Variants in COL4A5 observed in about 807,000 individuals in gnomAD.
COL4A5 encodes the protein collagen alpha-5(IV) chain.
In COL4A5, 26 loss-of-function variants were observed where a neutral mutation model predicts 130.2. The ratio of observed to expected loss-of-function variants is 0.20; its 90% confidence interval spans 0.15 to 0.28. The LOEUF (loss-of-function observed/expected upper bound fraction) is 0.28. Among genes scored for constraint, COL4A5 ranks in the 10% least tolerant of loss-of-function variants. The pLI is 1.00. For synonymous variants in COL4A5, 496 were observed against 439.6 expected, an observed-to-expected ratio of 1.13 and a Z score of -1.60; for missense variants, 1,131 against 1,344.3, an observed-to-expected ratio of 0.84 and a Z score of 2.48.
intron 29 of COL4A5, among the ~76,000 whole-genome samples, chrX:108,610,565 A>G (rs1055154183): frequency 4.5e-5 from 5 of 112,207 alleles, no homozygotes; most frequent in African/African-American, 1.6e-4. Context: ...AGATAAAGAT[A>G]TTTGAAATAT....
chrX:108,552,786 C>T lies in COL4A5; in HGVS notation c.142-6278C>T, dbSNP rs755699737. 3.6e-5 allele frequency among the ~76,000 whole-genome samples: 4 copies of T among 111,862 alleles called. No individual in the cohort carries two copies. In the East Asian group the frequency reaches 8.4e-4, roughly 23 times the overall value. On this transcript the variant is annotated intron_variant, in intron 2 of 52. Transcript: ENST00000328300. Reference sequence around the variant, plus strand: ...TTTCTGGGGCTACAAATTTAACAAGCTGATCCTAAGAGTTAGATGGAAATA... The same window carrying T: ...TTTCTGGGGCTACAAATTTAACAAGTTGATCCTAAGAGTTAGATGGAAATA...
chrX:108,581,059 A>G, intron 16 of COL4A5, 32 bp downstream of exon 16: 4 of 1,159,151 alleles, frequency 3.5e-6, no homozygotes, highest in Non-Finnish European at 4.7e-6. Flanking sequence ...CCCCTGCAAA[A>G]CTGGAGACAT....
rs1018839215 is a variant in COL4A5 at position 108,648,752 on chromosome X, A to G, written c.3247-6579A>G. ...CAAGGGACATACCTCAATGTAATAAAAGCTATCTATGACAAACCCACAGCC... is the reference window on the plus strand; with the variant it reads ...CAAGGGACATACCTCAATGTAATAAGAGCTATCTATGACAAACCCACAGCC... On this transcript the variant is annotated intron_variant, in intron 36 of 52. Transcript: ENST00000328300. Among the ~76,000 whole-genome samples the G allele has an allele frequency of 2.7e-5, 3 of 111,715 alleles. No individual in the cohort carries two copies. In the South Asian group the frequency reaches 1.1e-3, roughly 42 times the overall value.
At chrX:108,662,002 C>A (rs2067967194) in intron 37 of COL4A5, among the ~76,000 whole-genome samples, 1 of 107,798 alleles carries the variant, frequency 9.3e-6, no homozygotes, top group Non-Finnish European at 1.9e-5. Context: ...ATACATGTGC[C>A]ATGTTGGTGT....
intron 1 of COL4A5, among the ~76,000 whole-genome samples, chrX:108,504,987 CCCATCAA>C (rs1214042642): frequency 9.0e-6 from 1 of 111,648 alleles, no homozygotes; most frequent in Non-Finnish European, 1.9e-5. Flanking sequence ...AACCTAAGTG[CCCATCAA>C]CCAAGGAGTA....
At chrX:108,455,059 A>C (rs781383701) in intron 1 of COL4A5, among the ~76,000 whole-genome samples, 1 of 112,344 alleles carries the variant, frequency 8.9e-6, no homozygotes, top group Admixed American at 9.4e-5. Context: ...AAATTGCTCC[A>C]AAAGATTTTT....
chrX:108,584,337 T>G (rs757844963), intron 17 of COL4A5, 147 bp from the exon 18 acceptor site: 39 of 512,319 alleles, frequency 7.6e-5, no homozygotes, highest in Middle Eastern at 5.5e-4. Context: ...TAGCTCAGAA[T>G]TGTTTCATTA....
intron 1 of COL4A5, among the ~76,000 whole-genome samples, chrX:108,521,582 A>G (rs1603263166): frequency 9.0e-6 from 1 of 111,397 alleles, no homozygotes; most frequent in East Asian, 2.8e-4. Context: ...TCTGCTTTAC[A>G]TCACCTTGTG....
intron 1 of COL4A5, among the ~76,000 whole-genome samples, chrX:108,498,763 C>T (rs903778679): frequency 9.0e-6 from 1 of 111,211 alleles, no homozygotes; most frequent in Non-Finnish European, 1.9e-5. Flanking sequence ...TAATTTATGA[C>T]TTTGGATGCC....
chrX:108,660,363 A>G (rs953321725), intron 37 of COL4A5, among the ~76,000 whole-genome samples: 3 of 111,452 alleles, frequency 2.7e-5, no homozygotes, highest in African/African-American at 9.7e-5. Context: ...GCAGACTTCT[A>G]GTTGGTATCA....
intron 40 of COL4A5, 28 bp from the exon 41 acceptor site, chrX:108,668,291 A>G (rs2068125415): frequency 1.7e-6 from 2 of 1,178,873 alleles, no homozygotes; most frequent in Non-Finnish European, 2.3e-6. Flanking sequence ...GGTATTATTT[A>G]TCTTCTAATT....
At chrX:108,482,048 A>G (rs1012304905) in intron 1 of COL4A5, among the ~76,000 whole-genome samples, 6 of 111,324 alleles carry the variant, frequency 5.4e-5, no homozygotes, top group African/African-American at 2.0e-4. Context: ...AACTGTTAGA[A>G]CCATTTTTAA....
chrX:108,484,517 A>T (rs2064925784), intron 1 of COL4A5, among the ~76,000 whole-genome samples: 1 of 112,617 alleles, frequency 8.9e-6, no homozygotes, highest in African/African-American at 3.2e-5. Flanking sequence ...ATTAGGGAAC[A>T]TCCCAAGCCC....
chrX:108,532,395 C>T (rs1200772309), intron 1 of COL4A5, among the ~76,000 whole-genome samples: 2 of 111,297 alleles, frequency 1.8e-5, no homozygotes, highest in African/African-American at 3.3e-5. Flanking sequence ...GTGATTGAAA[C>T]TCTCAACAAA....
At chrX:108,685,896 T>G in intron 47 of COL4A5, 135 bp from the exon 48 acceptor site, 2 of 515,936 alleles carry the variant, frequency 3.9e-6, no homozygotes, top group East Asian at 7.5e-5. Context: ...TGGACTTGAG[T>G]TATCTCTTCT....
At chrX:108,630,945 G>T (rs1242714720) in intron 36 of COL4A5, among the ~76,000 whole-genome samples, 1 of 111,889 alleles carries the variant, frequency 8.9e-6, no homozygotes, top group Non-Finnish European at 1.9e-5. Flanking sequence ...GGTCAGGTTT[G>T]TCAAAGATCA....
rs761139316 is a variant in COL4A5 at position 108,655,513 on chromosome X, G to T, written c.3373+56G>T. The T allele has an allele frequency of 2.8e-5, 32 of 1,158,318 alleles. No individual in the cohort carries two copies. The African/African-American group carries it at 5.3e-4, about 19-fold the overall frequency. On this transcript the variant is annotated intron_variant, in intron 37 of 52. Transcript: ENST00000328300. ...TTTCCTTCCTTATCTACTCCAACCA[G>T]TATCACAGAGCAGCTTCTTATTTGG... is the stretch of plus-strand genomic sequence containing the variant.
chrX:108,643,985 C>T (rs778222627), intron 36 of COL4A5, among the ~76,000 whole-genome samples: 65 of 111,719 alleles, frequency 5.8e-4, no homozygotes, highest in Non-Finnish European at 1.0e-3. Flanking sequence ...GATCTGCTGC[C>T]TTCAGGAGAC....
At chrX:108,616,720 G>A (rs1047710930) in intron 30 of COL4A5, among the ~76,000 whole-genome samples, 2 of 111,013 alleles carry the variant, frequency 1.8e-5, no homozygotes, top group South Asian at 3.8e-4. Context: ...ATGTTAACAC[G>A]TGTCACGCTT....
Sources: gnomAD v4.1 joint callset for allele counts (sites outside exome capture counted in the v4.1 genomes callset) on GRCh38, gnomAD v4.1.1 for gene constraint, MANE v1.5 for transcripts, NCBI Gene and HGNC (gene_info 2026-07-23, HGNC 2026-07-21) for gene names.